The following RARB variants were observed in gnomAD, a reference collection of about 807,000 sequenced individuals.
RARB encodes the protein retinoic acid receptor beta.
RARB carries 17 observed loss-of-function variants against 51.9 expected under a neutral mutation model. That is an observed-to-expected ratio of 0.33 (90% CI 0.22 to 0.49). RARB has a LOEUF of 0.49. Ranked by LOEUF, RARB falls within the 20% of genes least tolerant of loss-of-function variation. The probability of loss-of-function intolerance (pLI) is 0.99; values close to 1 mark genes in which losing one functional copy is unlikely to be tolerated. For missense variants in RARB, 369 were observed against 550.8 expected, an observed-to-expected ratio of 0.67 and a Z score of 3.30; for synonymous variants, 215 against 195.4, an observed-to-expected ratio of 1.10 and a Z score of -0.84.
chr3:25,589,579 C>T (rs1701533984), intron 5 of RARB, among the ~76,000 whole-genome samples: 1 of 152,216 alleles, frequency 6.6e-6, no homozygotes, highest in African/African-American at 2.4e-5. Context: ...CTGGCTCTGC[C>T]TCTGGGGTCC....
At chr3:25,449,143 T>C (rs1709079841) in intron 1 of RARB, among the ~76,000 whole-genome samples, 1 of 152,102 alleles carries the variant, frequency 6.6e-6, no homozygotes, top group Non-Finnish European at 1.5e-5. Flanking sequence ...AGCTGGTGGT[T>C]GTGCAGACTC....
intron 2 of RARB, among the ~76,000 whole-genome samples, chr3:24,895,481 A>C (rs543095747): frequency 7.2e-5 from 11 of 152,288 alleles, no homozygotes; most frequent in Admixed American, 2.0e-4. Flanking sequence ...ACATTGAACA[A>C]CTGTTCTAGA....
At chr3:25,170,272 G>T (rs140761309) in intron 4 of RARB, among the ~76,000 whole-genome samples, 4 of 152,208 alleles carry the variant, frequency 2.6e-5, no homozygotes, top group African/African-American at 9.6e-5. Flanking sequence ...GACAGAGACT[G>T]TATGAACCAC....
chr3:24,884,090 C>G (rs779784563), intron 2 of RARB, among the ~76,000 whole-genome samples: 2 of 152,122 alleles, frequency 1.3e-5, no homozygotes, highest in Non-Finnish European at 2.9e-5. Flanking sequence ...TTACAGCAAG[C>G]CACATAAAAC....
intron 3 of RARB, among the ~76,000 whole-genome samples, chr3:25,561,996 TCCCTGCTCAACTTTTTTA>T (rs59712951): frequency 0.15 from 22,557 of 152,024 alleles, 3,446 homozygotes; most frequent in African/African-American, 0.39. Context: ...TGTGCTTGTA[TCCCTGCTCAACTTTTTTA>T]CCCTGCTCAA....
At chr3:25,072,135 A>G (rs1331700495) in intron 3 of RARB, among the ~76,000 whole-genome samples, 1 of 152,206 alleles carries the variant, frequency 6.6e-6, no homozygotes, top group Non-Finnish European at 1.5e-5. Context: ...TGTCCCTTAG[A>G]GTGTTCTGTT....
chr3:25,313,705 C>T (rs550473130), intron 5 of RARB, among the ~76,000 whole-genome samples: 1 of 152,156 alleles, frequency 6.6e-6, no homozygotes, highest in South Asian at 2.1e-4. Flanking sequence ...AATTTGGGGG[C>T]CATCTTTAGT....
At chr3:25,097,283 G>T (rs1699313501) in intron 3 of RARB, among the ~76,000 whole-genome samples, 1 of 152,146 alleles carries the variant, frequency 6.6e-6, no homozygotes, top group South Asian at 2.1e-4. Context: ...ACAATTTAAT[G>T]CAGGGAAACT....
At chr3:25,588,270 G>C (rs78249470) in intron 5 of RARB, among the ~76,000 whole-genome samples, 3 of 152,232 alleles carry the variant, frequency 2.0e-5, no homozygotes, top group African/African-American at 7.2e-5. Flanking sequence ...AGAATATTCT[G>C]TATGATTCCA....
chr3:25,365,878 C>T (rs1706102964), intron 5 of RARB, among the ~76,000 whole-genome samples: 1 of 152,188 alleles, frequency 6.6e-6, no homozygotes, highest in South Asian at 2.1e-4. Flanking sequence ...TGTCAGCAAT[C>T]ACATGGCAAC....
At chr3:24,855,744 ATTT>A (rs34706427) in intron 1 of RARB, among the ~76,000 whole-genome samples, 2 of 110,212 alleles carry the variant, frequency 1.8e-5, no homozygotes, top group Non-Finnish European at 1.8e-5. Context: ...GGAAATCTGC[ATTT>A]TTTTTTTTTT....
chr3:25,416,454 GA>G (rs1707706543), intron 5 of RARB, among the ~76,000 whole-genome samples: 1 of 152,126 alleles, frequency 6.6e-6, no homozygotes, highest in African/African-American at 2.4e-5. Context: ...TTTAGACCTT[GA>G]AGAAACGTTT....
At position 25,514,215 on chromosome 3, in the gene RARB, G is replaced by C. The variant is rs571464647; in HGVS notation, c.448+12892G>C. 7.7e-4 allele frequency among the ~76,000 whole-genome samples: 117 copies of C among 152,284 alleles called. 2 individuals are homozygous for C. The South Asian group carries it at 0.022, about 29-fold the overall frequency. On this transcript the variant is annotated intron_variant, in intron 3 of 7. Transcript: ENST00000330688. ...TTGCATAGAGTACAGTCTGGAATTT[G>C]CTCCTCCTGGAGTGGTATCAAGGAC...
At chr3:25,519,041 G>A (rs1254591011) in intron 3 of RARB, among the ~76,000 whole-genome samples, 3 of 152,136 alleles carry the variant, frequency 2.0e-5, no homozygotes, top group African/African-American at 7.2e-5. Flanking sequence ...CACAGTGTAT[G>A]CTCTTTTGTG....
intron 2 of RARB, among the ~76,000 whole-genome samples, chr3:24,980,504 T>C (rs1181317517): frequency 6.6e-6 from 1 of 152,210 alleles, no homozygotes; most frequent in African/African-American, 2.4e-5. Flanking sequence ...TCACTTTATT[T>C]AATTTGATCT....
At chr3:25,354,645 A>G (rs1253834295) in intron 5 of RARB, among the ~76,000 whole-genome samples, 1 of 152,118 alleles carries the variant, frequency 6.6e-6, no homozygotes, top group East Asian at 1.9e-4. Context: ...GGCACTCAAC[A>G]TAAACCAAGC....
chr3:25,224,490 TTAA>T (rs1242430495), intron 5 of RARB, among the ~76,000 whole-genome samples: 2 of 152,174 alleles, frequency 1.3e-5, no homozygotes, highest in Non-Finnish European at 2.9e-5. Context: ...GCAAAATCTA[TTAA>T]TTATATGCCT....
intron 1 of RARB, among the ~76,000 whole-genome samples, chr3:25,443,048 C>T (rs547486303): frequency 6.6e-6 from 1 of 152,270 alleles, no homozygotes; most frequent in African/African-American, 2.4e-5. Flanking sequence ...CCGGGTGCCT[C>T]CTCCTGCTTA....
intron 5 of RARB, among the ~76,000 whole-genome samples, chr3:25,385,121 T>C (rs928273694): frequency 5.3e-5 from 8 of 152,210 alleles, no homozygotes; most frequent in African/African-American, 1.9e-4. Flanking sequence ...CTTAGCCCTG[T>C]AGTTTGCAAT....
Sources: gnomAD v4.1 joint callset for allele counts (sites outside exome capture counted in the v4.1 genomes callset) on GRCh38, gnomAD v4.1.1 for gene constraint, MANE v1.5 for transcripts, NCBI Gene and HGNC (gene_info 2026-07-23, HGNC 2026-07-21) for gene names.